Variants in GRIN2B observed in about 807,000 individuals in gnomAD.
GRIN2B encodes glutamate receptor ionotropic, NMDA 2B.
In GRIN2B, 5 loss-of-function variants were observed where a neutral mutation model predicts 114.5. The observed-to-expected ratio is 0.04, with a 90% CI of 0.02 to 0.09. The LOEUF is 0.09. Among genes scored for constraint, GRIN2B ranks in the 10% least tolerant of loss-of-function variants. The probability of loss-of-function intolerance (pLI) is 1.00; values close to 1 mark genes in which losing one functional copy is unlikely to be tolerated. For missense variants in GRIN2B, 1,108 were observed against 1,943.5 expected, an observed-to-expected ratio of 0.57 and a Z score of 8.08; for synonymous variants, 787 against 745.1, an observed-to-expected ratio of 1.06 and a Z score of -0.92.
chr12:13,950,655 A>G (rs71459109), intron 2 of GRIN2B, among the ~76,000 whole-genome samples: 16,958 of 152,236 alleles, frequency 0.11, 1,332 homozygotes, highest in Non-Finnish European at 0.18. Flanking sequence ...AGAAATAAAC[A>G]AAAGGAGTGC....
intron 2 of GRIN2B, among the ~76,000 whole-genome samples, chr12:13,874,141 G>C (rs1299355155): frequency 6.6e-6 from 1 of 152,160 alleles, no homozygotes; most frequent in African/African-American, 2.4e-5. Flanking sequence ...GGATCTCTTG[G>C]CAGCAATATT....
At chr12:13,752,958 C>G in intron 4 of GRIN2B, among the ~76,000 whole-genome samples, 1 of 152,216 alleles carries the variant, frequency 6.6e-6, no homozygotes, top group East Asian at 1.9e-4. Flanking sequence ...AAACTGACCA[C>G]TCACTTGCAA....
intron 3 of GRIN2B, among the ~76,000 whole-genome samples, chr12:13,802,266 A>G (rs1864529375): frequency 6.6e-6 from 1 of 152,154 alleles, no homozygotes. Flanking sequence ...GAAAAGTTCA[A>G]CTTCACTAGT....
At chr12:13,698,632 C>A (rs1198595198) in intron 4 of GRIN2B, among the ~76,000 whole-genome samples, 2 of 151,982 alleles carry the variant, frequency 1.3e-5, no homozygotes, top group African/African-American at 4.8e-5. Flanking sequence ...TTTTAAAAAC[C>A]AAAGAAGATC....
chr12:13,719,890 A>C (rs1427391305), intron 4 of GRIN2B, among the ~76,000 whole-genome samples: 1 of 151,886 alleles, frequency 6.6e-6, no homozygotes, highest in Non-Finnish European at 1.5e-5. Context: ...AAATACCAAA[A>C]CTGGTTTATC....
At chr12:13,648,479 T>G (rs559890553) in intron 5 of GRIN2B, among the ~76,000 whole-genome samples, 11 of 152,200 alleles carry the variant, frequency 7.2e-5, no homozygotes, top group African/African-American at 2.6e-4. Flanking sequence ...CTAAGTCACT[T>G]GGAAGACCAG....
chr12:13,694,376 T>C (rs1430851194), intron 4 of GRIN2B, among the ~76,000 whole-genome samples: 1 of 152,090 alleles, frequency 6.6e-6, no homozygotes, highest in Admixed American at 6.6e-5. Context: ...CAAATGCTCA[T>C]TGAACCCTAT....
chr12:13,898,835 C>CA (rs1694346371), intron 2 of GRIN2B, among the ~76,000 whole-genome samples: 1 of 152,210 alleles, frequency 6.6e-6, no homozygotes, highest in Non-Finnish European at 1.5e-5. Context: ...TGCTTGAACC[C>CA]AGGAGGCGGA....
chr12:13,699,805 T>G (rs1440253952), intron 4 of GRIN2B, among the ~76,000 whole-genome samples: 1 of 151,802 alleles, frequency 6.6e-6, no homozygotes, highest in Non-Finnish European at 1.5e-5. Flanking sequence ...GCCAGGCTGG[T>G]CTTGAACTCC....
intron 3 of GRIN2B, among the ~76,000 whole-genome samples, chr12:13,785,116 G>A (rs1446147905): frequency 6.6e-6 from 1 of 152,154 alleles, no homozygotes; most frequent in Non-Finnish European, 1.5e-5. Context: ...AAAAGCCAAA[G>A]GAATCCTTAT....
intron 3 of GRIN2B, among the ~76,000 whole-genome samples, chr12:13,812,930 A>C (rs1270403097): frequency 1.7e-5 from 2 of 118,390 alleles, no homozygotes; most frequent in East Asian, 4.7e-4. Flanking sequence ...AGTTTTGGGA[A>C]TTTTTTTTTT....
chr12:13,783,338 T>G (rs1025305569), intron 3 of GRIN2B, among the ~76,000 whole-genome samples: 1 of 152,174 alleles, frequency 6.6e-6, no homozygotes, highest in Non-Finnish European at 1.5e-5. Flanking sequence ...AACATCTACT[T>G]TCCGCTTATA....
At chr12:13,743,625 G>C (rs77870594) in intron 4 of GRIN2B, among the ~76,000 whole-genome samples, 1 of 150,022 alleles carries the variant, frequency 6.7e-6, no homozygotes, top group Non-Finnish European at 1.5e-5. Flanking sequence ...AAGTCAATGG[G>C]AGTGTCTGGA....
rs770136668 is a variant in GRIN2B at position 13,547,031 on chromosome 12, T to G, written c.*15752A>C. The G allele has an allele frequency of 2.6e-5, 4 of 152,136 alleles. No individual in the cohort carries two copies. The highest frequency in any genetic ancestry group is 5.9e-5 in the Non-Finnish European group (4 of 68,036). 9.4% of individuals were successfully genotyped at this position (152,136 alleles called of 1,614,324 possible). ...CCTGCTTGTCATTCTTTCTCCAACT[T>G]CCTAAGTTAAAAAATGATGAGAAAA... On this transcript the variant is annotated 3_prime_UTR_variant, in exon 14 of 14. Coordinates refer to ENST00000609686, the MANE Select transcript of GRIN2B (RefSeq NM_000834.5).
At chr12:13,751,000 A>G (rs1222602492) in intron 4 of GRIN2B, among the ~76,000 whole-genome samples, 1 of 152,256 alleles carries the variant, frequency 6.6e-6, no homozygotes, top group African/African-American at 2.4e-5. Flanking sequence ...GCCAAGACTG[A>G]AGCCTGAGGA....
At chr12:13,875,834 G>A (rs1243189085) in intron 2 of GRIN2B, among the ~76,000 whole-genome samples, 5 of 152,248 alleles carry the variant, frequency 3.3e-5, no homozygotes, top group Non-Finnish European at 5.9e-5. Flanking sequence ...TGTGAAGATC[G>A]ATTCATTTGA....
intron 4 of GRIN2B, among the ~76,000 whole-genome samples, chr12:13,721,725 T>A (rs930251127): frequency 2.6e-5 from 4 of 152,010 alleles, no homozygotes; most frequent in African/African-American, 9.7e-5. Flanking sequence ...GTTGTAGATG[T>A]GTACCTGAGA....
Position 13,753,419 on chromosome 12 carries a change from G to A in GRIN2B, c.908C>T (p.Ala303Val). The A allele has an allele frequency of 6.2e-7, 1 of 1,613,926 alleles. No individual in the cohort carries two copies. Among genetic ancestry groups the A allele is most frequent in the Non-Finnish European group, 8.5e-7 (1 of 1,179,750 alleles). ...GTGCTCAGACAGCATGTCAGAAGCA[G>A]CAGTGGTGATTATGGCAATTCCATC... is the stretch of plus-strand genomic sequence containing the variant. ...VRDGIAIITT[A>V]ASDMLSEHSF... The change falls in exon 4 of 14, where the codon GCT (alanine) becomes GTT (valine). Residue 303 changes from alanine (A) to valine (V), a missense_variant. Transcript: ENST00000609686. This position sits in a 1 kb window ranked among gnomAD's most constrained non-coding sequence, Gnocchi z 6.2.
chr12:13,929,912 G>T (rs754203578), intron 2 of GRIN2B, among the ~76,000 whole-genome samples: 1 of 152,164 alleles, frequency 6.6e-6, no homozygotes. Context: ...TTGGCTGGGC[G>T]CAGTGGCTCA....
Sources: allele counts gnomAD v4.1 joint callset (sites outside exome capture counted in the v4.1 genomes callset), GRCh38; gene constraint gnomAD v4.1.1; non-coding constraint Gnocchi (gnomAD v3.1); transcripts MANE v1.5; gene names NCBI Gene and HGNC (gene_info 2026-07-23, HGNC 2026-07-21).